Variants in SYNRG observed in about 807,000 individuals in gnomAD.
SYNRG encodes AP1 gamma subunit binding protein 1.
A neutral mutation model predicts 130.9 loss-of-function variants in SYNRG; 37 were observed. The observed-to-expected ratio is 0.28, with a 90% CI of 0.22 to 0.37. The LOEUF is 0.37. Ranked by LOEUF, SYNRG falls within the 10% of genes least tolerant of loss-of-function variation. The pLI, the probability that SYNRG is intolerant of heterozygous loss-of-function variation, is 1.00. For missense variants in SYNRG, 1,338 were observed against 1,588.9 expected, an observed-to-expected ratio of 0.84 and a Z score of 2.68; for synonymous variants, 539 against 568.1, an observed-to-expected ratio of 0.95 and a Z score of 0.73.
chr17:37,586,683 C>A lies in SYNRG; in HGVS notation c.241-134G>T. 5.0e-6 allele frequency: 5 copies of A among 996,688 alleles called. No homozygotes were observed. The South Asian group carries it at 5.5e-5, about 11-fold the overall frequency. The allele number at this position is 996,688 out of a possible 1,614,324, so 61.7% of individuals were successfully genotyped here. ...TAGAAATATATTGGATTAAAAGATGCAAAGATGCAAATAAATAAAAGATGC... is the reference window on the plus strand; with the variant it reads ...TAGAAATATATTGGATTAAAAGATGAAAAGATGCAAATAAATAAAAGATGC... On this transcript the variant is annotated intron_variant, in intron 3 of 21. Transcript: ENST00000612223.
chr17:37,541,199 T>A (rs1457170742), intron 15 of SYNRG: 1 of 985,488 alleles, frequency 1.0e-6, no homozygotes, highest in Non-Finnish European at 1.2e-6. Flanking sequence ...TCATTTGTTA[T>A]GGATTTGTAA....
At chr17:37,546,994 C>G (rs965451062) in intron 14 of SYNRG, among the ~76,000 whole-genome samples, 3 of 152,142 alleles carry the variant, frequency 2.0e-5, no homozygotes, top group African/African-American at 7.2e-5. Flanking sequence ...ACTAAAAAAC[C>G]TGGTCTGTGT....
In SYNRG at chr17:37,577,513, T is replaced by A. The variant is rs1219030200; in HGVS notation, c.690A>T (p.Leu230=). 6.2e-7 allele frequency: 1 copy of A among 1,614,020 alleles called. No homozygotes were observed. Among genetic ancestry groups the A allele is most frequent in the East Asian group, 2.2e-5 (1 of 44,898 alleles). The change falls in exon 7 of 22, where the codon CTA becomes CTT. Residue 230 remains leucine, a synonymous_variant. Transcript: ENST00000612223. ...LNTSEVGHKA[L]GPGSSKKYPS... Reference sequence around the variant, plus strand: ...GATACTTCTTACTGGAACCTGGGCCTAGGGCTTTGTGGCCAACTTCAGAAG... The same window carrying A: ...GATACTTCTTACTGGAACCTGGGCCAAGGGCTTTGTGGCCAACTTCAGAAG...
chr17:37,563,412 T>C (rs1974968118), intron 11 of SYNRG, among the ~76,000 whole-genome samples: 1 of 152,242 alleles, frequency 6.6e-6, no homozygotes, highest in South Asian at 2.1e-4. Flanking sequence ...CTGTGGTAGA[T>C]AGCTTTATTT....
chr17:37,590,723 C>T (rs773937086), intron 3 of SYNRG, among the ~76,000 whole-genome samples: 22 of 152,140 alleles, frequency 1.4e-4, no homozygotes, highest in East Asian at 1.4e-3. Context: ...GAGTTCGAGA[C>T]CAGCCTGGCC....
chr17:37,585,334 C>G lies in SYNRG; in HGVS notation c.468G>C (p.Val156=). The change falls in exon 5 of 22, where the codon GTG becomes GTC. Residue 156 remains valine, a synonymous_variant. Transcript: ENST00000612223. ...AGTATTGAAATACTACCTTGGGTTT[C>G]ACACTGCTCAAAAGTCTGAGCTTTT... ...QKQKLRLLSS[V]KPKTGEKSRD... 2 of 1,613,310 alleles carry G rather than the reference C, an allele frequency of 1.2e-6. No individual in the cohort carries two copies. Among genetic ancestry groups the G allele is most frequent in the Non-Finnish European group, 1.7e-6 (2 of 1,179,674 alleles).
intron 11 of SYNRG, among the ~76,000 whole-genome samples, chr17:37,562,508 A>C (rs1365767081): frequency 6.6e-6 from 1 of 152,188 alleles, no homozygotes; most frequent in Non-Finnish European, 1.5e-5. Context: ...TACCATGCAC[A>C]AGTTATATAA....
rs537693555 is a variant in SYNRG, at chr17:37,594,641, T to C, written c.240+1582A>G. On this transcript the variant is annotated intron_variant, in intron 3 of 21. Coordinates refer to ENST00000612223, the MANE Select transcript of SYNRG (RefSeq NM_007247.6). ...CACGCCCGGCTAATTTTTGTATTTT[T>C]AGTAGAGACGAGGTTTCACCATGTT... Among the ~76,000 whole-genome samples, 11 of 152,198 alleles carry C rather than the reference T, an allele frequency of 7.2e-5. No homozygotes were observed. The South Asian group carries it at 2.3e-3, about 32-fold the overall frequency.
intron 19 of SYNRG, among the ~76,000 whole-genome samples, chr17:37,525,213 AC>A (rs2055685003): frequency 6.6e-6 from 1 of 152,174 alleles, no homozygotes; most frequent in Non-Finnish European, 1.5e-5. Flanking sequence ...TCTACAAGTC[AC>A]CTTAAATTGA....
In SYNRG at chr17:37,571,968, T is replaced by C. The variant is rs2060468075; in HGVS notation, c.921A>G (p.Leu307=). The C allele has an allele frequency of 1.2e-6, 2 of 1,611,456 alleles. No homozygotes were observed. The highest frequency in any genetic ancestry group is 1.1e-5 in the South Asian group (1 of 90,240). The change falls in exon 9 of 22, where the codon TTA becomes TTG. Residue 307 remains leucine (L), a synonymous_variant. Transcript: ENST00000612223. ...SLVPDAYKKI[L]ETTMTPTGID... The stretch of plus-strand genomic sequence containing the variant: ...TTCCAGTTGGAGTCATTGTGGTTTC[T>C]AAGATTTTCTTATAGGCATCTATTA...
At chr17:37,607,955 C>CAAAAAAAAAAAAAAA (rs67822733) in intron 1 of SYNRG, among the ~76,000 whole-genome samples, 2 of 51,120 alleles carry the variant, frequency 3.9e-5, no homozygotes, top group Non-Finnish European at 8.7e-5. Context: ...GACTTCCTCT[C>CAAAAAAAAAAAAAAA]AAAAAAAAAA....
chr17:37,539,164 T>C (rs751419477), intron 17 of SYNRG, 28 bp downstream of exon 17: 4 of 1,613,044 alleles, frequency 2.5e-6, no homozygotes, highest in Middle Eastern at 3.3e-4. Context: ...CACTCACATA[T>C]GTGTGAACGC....
rs1051031806 is a variant in SYNRG at position 37,532,350 on chromosome 17, A to G, written c.3666+3629T>C. On this transcript the variant is annotated intron_variant, in intron 19 of 21. Coordinates refer to ENST00000612223, the MANE Select transcript of SYNRG (RefSeq NM_007247.6). The stretch of plus-strand genomic sequence containing the variant: ...ACATCAACACTATTAGTATTCATAC[A>G]AACAGACCATACAAAAATTGGGCTT... Among the ~76,000 whole-genome samples, 6 of 152,222 alleles carry G rather than the reference A, an allele frequency of 3.9e-5. 1 individual carries two copies. Among genetic ancestry groups the G allele is most frequent in the African/African-American group, 1.4e-4 (6 of 41,456 alleles).
chr17:37,582,563 TAAAA>T (rs1432301924), intron 6 of SYNRG, among the ~76,000 whole-genome samples: 2 of 152,192 alleles, frequency 1.3e-5, no homozygotes, highest in African/African-American at 4.8e-5. Context: ...AAAAGAAGTA[TAAAA>T]GTTAAATGAT....
chr17:37,546,381 C>A (rs1448802163), intron 14 of SYNRG, among the ~76,000 whole-genome samples: 2 of 152,200 alleles, frequency 1.3e-5, no homozygotes, highest in African/African-American at 4.8e-5. Flanking sequence ...ACTGCATTTG[C>A]ACACAGATAA....
chr17:37,580,508 T>TGA (rs1470548930), intron 6 of SYNRG, among the ~76,000 whole-genome samples: 19 of 133,782 alleles, frequency 1.4e-4, no homozygotes, highest in East Asian at 1.3e-3. Flanking sequence ...TGTGTGTGTG[T>TGA]GTGAGAGAGA....
At chr17:37,580,745 G>A (rs2061264372) in intron 6 of SYNRG, among the ~76,000 whole-genome samples, 1 of 152,240 alleles carries the variant, frequency 6.6e-6, no homozygotes, top group South Asian at 2.1e-4. Flanking sequence ...ATTTTGGCCA[G>A]GCTGGTCTTG....
At chr17:37,536,285 C>T in intron 18 of SYNRG, 158 bp from the exon 19 acceptor site, 1 of 879,718 alleles carries the variant, frequency 1.1e-6, no homozygotes, top group Non-Finnish European at 1.7e-6. Context: ...CTTCTCAATG[C>T]TGCTGTATAG....
intron 13 of SYNRG, among the ~76,000 whole-genome samples, chr17:37,555,138 T>A (rs2059014253): frequency 1.3e-5 from 2 of 152,092 alleles, no homozygotes; most frequent in Non-Finnish European, 2.9e-5. Flanking sequence ...TGATTCTTTT[T>A]TTTTTGAGAC....
Sources: gnomAD v4.1 joint callset for allele counts (sites outside exome capture counted in the v4.1 genomes callset) on GRCh38, gnomAD v4.1.1 for gene constraint, MANE v1.5 for transcripts, NCBI Gene and HGNC (gene_info 2026-07-23, HGNC 2026-07-21) for gene names.